Variants in EIF2AK4 observed in about 807,000 individuals in gnomAD.
EIF2AK4 encodes eukaryotic translation initiation factor 2 alpha kinase 4.
A neutral mutation model predicts 211.1 loss-of-function variants in EIF2AK4; 139 were observed. The observed-to-expected ratio is 0.66, with a 90% CI of 0.57 to 0.76. The LOEUF is 0.76. Among genes scored for constraint, EIF2AK4 ranks in the 30% least tolerant of loss-of-function variants. EIF2AK4 has a pLI of 0.00. For synonymous variants in EIF2AK4, 710 were observed against 751.3 expected (o/e 0.94, Z 0.90); for missense variants, 1,664 against 2,043.8 (o/e 0.81, Z 3.58).
chr15:39,954,275 CAG>C (rs1595546018), intron 5 of EIF2AK4, among the ~76,000 whole-genome samples: 1 of 152,164 alleles, frequency 6.6e-6, no homozygotes, highest in Non-Finnish European at 1.5e-5. Flanking sequence ...TTTTTTGAGA[CAG>C]AGTCTCATTC....
At chr15:39,979,517 A>C (rs2034750331) in intron 13 of EIF2AK4, among the ~76,000 whole-genome samples, 1 of 152,206 alleles carries the variant, frequency 6.6e-6, no homozygotes, top group African/African-American at 2.4e-5. Flanking sequence ...ATGAGAAATT[A>C]TTTTATTCAA....
chr15:40,018,193 G>T (rs899280271), intron 29 of EIF2AK4, among the ~76,000 whole-genome samples: 1 of 152,104 alleles, frequency 6.6e-6, no homozygotes, highest in Non-Finnish European at 1.5e-5. Context: ...AAGGTCTATT[G>T]TATTTACCCC....
chr15:39,952,864 T>A (rs889122532), intron 4 of EIF2AK4, among the ~76,000 whole-genome samples: 1 of 152,216 alleles, frequency 6.6e-6, no homozygotes, highest in Non-Finnish European at 1.5e-5. Flanking sequence ...TTTTAATTTC[T>A]TGAGACAGAG....
intron 24 of EIF2AK4, 35 bp downstream of exon 24, chr15:40,007,100 T>C (rs780421349): frequency 2.0e-6 from 3 of 1,497,348 alleles, no homozygotes; most frequent in South Asian, 1.2e-5. Context: ...TTGGTAGACA[T>C]AGGAAAATAG....
chr15:39,999,520 T>C (rs2035064326), intron 20 of EIF2AK4, among the ~76,000 whole-genome samples: 1 of 152,194 alleles, frequency 6.6e-6, no homozygotes, highest in Admixed American at 6.5e-5. Context: ...GATGGAATAT[T>C]GTATTAATTT....
intron 33 of EIF2AK4, among the ~76,000 whole-genome samples, chr15:40,028,098 A>G (rs1410650322): frequency 6.8e-6 from 1 of 146,452 alleles, no homozygotes; most frequent in East Asian, 2.0e-4. Flanking sequence ...TTTTTGAGAT[A>G]GAGTCTCACT....
At chr15:40,032,673 A>G in intron 36 of EIF2AK4, 84 bp from the exon 37 acceptor site, 8 of 1,296,370 alleles carry the variant, frequency 6.2e-6, no homozygotes, top group South Asian at 2.5e-5. Flanking sequence ...AACCCTATTC[A>G]TACTGCTGCA....
chr15:40,019,600 G>C (rs1362381730), intron 30 of EIF2AK4, among the ~76,000 whole-genome samples: 1 of 152,124 alleles, frequency 6.6e-6, no homozygotes, highest in Non-Finnish European at 1.5e-5. Context: ...ACTGCACATG[G>C]AAGGGATCTA....
intron 13 of EIF2AK4, among the ~76,000 whole-genome samples, chr15:39,984,816 C>T (rs2140924096): frequency 6.6e-6 from 1 of 152,292 alleles, no homozygotes; most frequent in Non-Finnish European, 1.5e-5. Context: ...ATTTGACTTC[C>T]TCTCTTTCTA....
chr15:40,011,698 T>C (rs987082915), intron 27 of EIF2AK4, among the ~76,000 whole-genome samples: 4 of 152,238 alleles, frequency 2.6e-5, no homozygotes, highest in African/African-American at 9.6e-5. Flanking sequence ...AATTAGATTA[T>C]ACAGGACTAG....
chr15:39,958,659 T>C (rs2034425174), intron 6 of EIF2AK4, among the ~76,000 whole-genome samples: 1 of 152,178 alleles, frequency 6.6e-6, no homozygotes, highest in South Asian at 2.1e-4. Flanking sequence ...ACTAATGTTG[T>C]CTCTACAAAG....
intron 11 of EIF2AK4, 122 bp downstream of exon 11, chr15:39,973,871 A>G: frequency 9.1e-7 from 1 of 1,104,756 alleles, no homozygotes; most frequent in Non-Finnish European, 1.3e-6. Context: ...GCTGTTGGAT[A>G]CTATGCTCAT....
At chr15:39,977,547 T>C (rs1447785733) in intron 12 of EIF2AK4, 3 of 152,122 alleles carry the variant, frequency 2.0e-5, no homozygotes, top group Non-Finnish European at 2.9e-5. Context: ...GGATTTTTTT[T>C]CCCGCTATTT....
chr15:39,955,888 C>A, intron 6 of EIF2AK4, 120 bp downstream of exon 6: 2 of 1,017,264 alleles, frequency 2.0e-6, no homozygotes, highest in East Asian at 3.0e-5. Context: ...TTTTTTCAAA[C>A]CTTATATATC....
intron 29 of EIF2AK4, among the ~76,000 whole-genome samples, chr15:40,017,551 A>ATATATATATATATGTATG (rs71132134): frequency 5.7e-5 from 5 of 87,076 alleles, no homozygotes; most frequent in Non-Finnish European, 9.2e-5. Flanking sequence ...ATATATATAT[A>ATATATATATATATGTATG]TATGTATTTT....
Position 39,965,655 on chromosome 15 carries a change from G to A in EIF2AK4, c.860-31G>A, listed in dbSNP as rs1021552199. 4 of 1,610,584 alleles carry A rather than the reference G, an allele frequency of 2.5e-6. No homozygotes were observed. The Admixed American group carries it at 5.0e-5, about 20-fold the overall frequency. ...CCCCCAAGAGAAAACATACCAGTGG[G>A]ATTTAATTACACTTTCTGTTTAATG... On this transcript the variant is annotated intron_variant, in intron 7 of 38. Coordinates refer to ENST00000263791, the MANE Select transcript of EIF2AK4 (RefSeq NM_001013703.4).
intron 21 of EIF2AK4, chr15:40,002,499 A>G (rs1472911930): frequency 2.1e-6 from 1 of 484,444 alleles, no homozygotes; most frequent in Non-Finnish European, 3.7e-6. Context: ...CATCCTTCCC[A>G]TTGGTTGAAA....
chr15:39,935,705 C>G (rs958903947), intron 1 of EIF2AK4, among the ~76,000 whole-genome samples: 19 of 152,128 alleles, frequency 1.2e-4, no homozygotes, highest in Non-Finnish European at 1.9e-4. Context: ...TCAAGAAATA[C>G]CATCTTCTGG....
At chr15:39,955,379 G>A (rs1012197319) in intron 5 of EIF2AK4, among the ~76,000 whole-genome samples, 2 of 152,076 alleles carry the variant, frequency 1.3e-5, no homozygotes, top group African/African-American at 2.4e-5. Context: ...ATAATGTATA[G>A]TGATCGGATC....
Sources: gnomAD v4.1 joint callset for allele counts (sites outside exome capture counted in the v4.1 genomes callset) on GRCh38, gnomAD v4.1.1 for gene constraint, MANE v1.5 for transcripts, NCBI Gene and HGNC (gene_info 2026-07-23, HGNC 2026-07-21) for gene names.